CTNND2: variants seen among roughly 807,000 people sequenced by gnomAD.
The protein encoded by CTNND2 is catenin delta-2.
Under a neutral mutation model 144.4 loss-of-function variants are expected in CTNND2, and 22 were observed. The observed-to-expected ratio is 0.15, with a 90% CI of 0.11 to 0.22. The LOEUF is 0.22. Among genes scored for constraint, CTNND2 ranks in the 10% least tolerant of loss-of-function variants. The pLI, the probability that CTNND2 is intolerant of heterozygous loss-of-function variation, is 1.00. For missense variants in CTNND2, 1,353 were observed against 1,618.8 expected (o/e 0.84, Z 2.82); for synonymous variants, 751 against 695.6 (o/e 1.08, Z -1.25).
At chr5:11,148,813 G>A (rs1355487192) in intron 12 of CTNND2, among the ~76,000 whole-genome samples, 3 of 152,188 alleles carry the variant, frequency 2.0e-5, no homozygotes, top group Non-Finnish European at 4.4e-5. Flanking sequence ...CCTCAAACAG[G>A]AATGCTCCCT....
intron 2 of CTNND2, among the ~76,000 whole-genome samples, chr5:11,712,251 A>G (rs2126695775): frequency 6.6e-6 from 1 of 152,324 alleles, no homozygotes; most frequent in African/African-American, 2.4e-5. Flanking sequence ...ACTACTTCCA[A>G]AAGTTTCAGG....
chr5:11,638,702 T>C (rs772235084), intron 2 of CTNND2, among the ~76,000 whole-genome samples: 3 of 152,090 alleles, frequency 2.0e-5, no homozygotes, highest in African/African-American at 4.8e-5. Context: ...GCCTCCCCAG[T>C]AGCTGGAACT....
intron 1 of CTNND2, among the ~76,000 whole-genome samples, chr5:11,746,558 C>T (rs77664672): frequency 5.3e-5 from 8 of 151,922 alleles, no homozygotes; most frequent in Non-Finnish European, 1.0e-4. Flanking sequence ...TTAAGCCATT[C>T]GGGATAAATT....
At chr5:11,474,001 T>C (rs1767482476) in intron 3 of CTNND2, among the ~76,000 whole-genome samples, 2 of 152,232 alleles carry the variant, frequency 1.3e-5, no homozygotes, top group Non-Finnish European at 2.9e-5. Flanking sequence ...TCTTTCTTAA[T>C]AAGCAGTAAT....
intron 2 of CTNND2, among the ~76,000 whole-genome samples, chr5:11,580,985 T>A (rs535179998): frequency 6.6e-6 from 1 of 152,156 alleles, no homozygotes; most frequent in African/African-American, 2.4e-5. Flanking sequence ...CTTCCACAAC[T>A]CAAAACACCC....
At chr5:11,071,699 G>C (rs1450055854) in intron 16 of CTNND2, among the ~76,000 whole-genome samples, 1 of 152,028 alleles carries the variant, frequency 6.6e-6, no homozygotes, top group Non-Finnish European at 1.5e-5. Context: ...GGGGAGTGCA[G>C]ACTGGGTAAG....
intron 3 of CTNND2, among the ~76,000 whole-genome samples, chr5:11,494,452 G>A (rs983903802): frequency 3.9e-5 from 6 of 152,026 alleles, no homozygotes; most frequent in African/African-American, 7.2e-5. Context: ...AGTACCAAAC[G>A]TGTGTGAGTG....
intron 3 of CTNND2, among the ~76,000 whole-genome samples, chr5:11,415,696 A>C (rs927470675): frequency 4.6e-5 from 7 of 152,168 alleles, no homozygotes; most frequent in Non-Finnish European, 8.8e-5. Flanking sequence ...GATATGAGTG[A>C]GGGTGTCAAT....
chr5:11,727,276 C>T (rs1561737550), intron 2 of CTNND2, among the ~76,000 whole-genome samples: 2 of 152,174 alleles, frequency 1.3e-5, no homozygotes, highest in African/African-American at 4.8e-5. Flanking sequence ...TCTTTACCCT[C>T]CTGGAACTCT....
chr5:11,194,093 C>A (rs1038299068), intron 11 of CTNND2, among the ~76,000 whole-genome samples: 1 of 152,090 alleles, frequency 6.6e-6, no homozygotes. Flanking sequence ...AATTTCATCA[C>A]ATTTCTGTAA....
chr5:11,626,180 G>C (rs181757278), intron 2 of CTNND2, among the ~76,000 whole-genome samples: 1 of 152,190 alleles, frequency 6.6e-6, no homozygotes, highest in African/African-American at 2.4e-5. Context: ...TCAGCAAAAG[G>C]ACAATTTTCT....
intron 2 of CTNND2, among the ~76,000 whole-genome samples, chr5:11,613,957 T>C (rs1323551910): frequency 1.3e-5 from 2 of 152,326 alleles, no homozygotes; most frequent in Non-Finnish European, 1.5e-5. Flanking sequence ...TTTTCATCTA[T>C]AATGACATGA....
At chr5:11,676,229 CA>C (rs1355629522) in intron 2 of CTNND2, among the ~76,000 whole-genome samples, 1 of 152,128 alleles carries the variant, frequency 6.6e-6, no homozygotes, top group African/African-American at 2.4e-5. Flanking sequence ...TCTGAAGAGA[CA>C]ACCATTATTA....
At chr5:11,565,640 A>C (rs146461934) in intron 2 of CTNND2, among the ~76,000 whole-genome samples, 6 of 152,374 alleles carry the variant, frequency 3.9e-5, no homozygotes, top group African/African-American at 1.4e-4. Context: ...TACTAAGTAC[A>C]TAACCTTTGA....
intron 1 of CTNND2, among the ~76,000 whole-genome samples, chr5:11,762,128 G>A (rs1486544757): frequency 2.6e-5 from 4 of 151,980 alleles, no homozygotes; most frequent in Non-Finnish European, 5.9e-5. Flanking sequence ...TCAATTTCAC[G>A]TTGTCAATTC....
intron 2 of CTNND2, among the ~76,000 whole-genome samples, chr5:11,660,047 G>C (rs1783111895): frequency 6.6e-6 from 1 of 152,144 alleles, no homozygotes; most frequent in African/African-American, 2.4e-5. Context: ...TCAATAAAGA[G>C]TCTTTATTAG....
intron 6 of CTNND2, among the ~76,000 whole-genome samples, chr5:11,394,133 C>T (rs997561806): frequency 6.6e-6 from 1 of 152,192 alleles, no homozygotes. Context: ...CACTTTGGAT[C>T]TTGCTTACCC....
At chr5:11,855,147 G>A (rs528280899) in intron 1 of CTNND2, among the ~76,000 whole-genome samples, 2 of 152,312 alleles carry the variant, frequency 1.3e-5, no homozygotes, top group Admixed American at 1.3e-4. Context: ...TTAAACCAGG[G>A]ATTAGCTGGA....
chr5:11,019,292 C>T (rs1277370394), intron 17 of CTNND2, among the ~76,000 whole-genome samples: 1 of 152,190 alleles, frequency 6.6e-6, no homozygotes, highest in East Asian at 1.9e-4. Flanking sequence ...CTCATATAAT[C>T]GATGCTGAAC....
Sources: gnomAD v4.1 joint callset for allele counts (sites outside exome capture counted in the v4.1 genomes callset) on GRCh38, gnomAD v4.1.1 for gene constraint, MANE v1.5 for transcripts, NCBI Gene and HGNC (gene_info 2026-07-23, HGNC 2026-07-21) for gene names.